CCNYL1: variants seen among roughly 807,000 people sequenced by gnomAD.
The protein encoded by CCNYL1 is cyclin Y like 1, also known as cyclin-Y-like protein 1.
In CCNYL1, 16 loss-of-function variants were observed where a neutral mutation model predicts 44.2. The ratio of observed to expected loss-of-function variants is 0.36; its 90% CI spans 0.25 to 0.55. CCNYL1 has a LOEUF of 0.55. Ranked by LOEUF, CCNYL1 falls within the 20% of genes least tolerant of loss-of-function variation. The pLI is 0.85. For synonymous variants in CCNYL1, 159 were observed against 163.2 expected, an observed-to-expected ratio of 0.97 and a Z score of 0.20; for missense variants, 348 against 451.8, an observed-to-expected ratio of 0.77 and a Z score of 2.08.
chr2:207,746,379 A>G (rs953068379), intron 7 of CCNYL1, among the ~76,000 whole-genome samples: 1 of 152,226 alleles, frequency 6.6e-6, no homozygotes, highest in African/African-American at 2.4e-5. Context: ...TAAAATTACT[A>G]TCTACCATGC....
chr2:207,753,549 T>C (rs1255820673), intron 9 of CCNYL1, 39 bp from the exon 10 acceptor site: 1 of 1,415,066 alleles, frequency 7.1e-7, no homozygotes, highest in South Asian at 1.2e-5. Flanking sequence ...GAACCCTTTT[T>C]AAAATTGTAC....
chr2:207,712,025 A>G lies in CCNYL1; in HGVS notation c.129A>G (p.Val43=). 13 of 1,498,896 alleles carry G rather than the reference A, an allele frequency of 8.7e-6. No homozygotes were observed. Among genetic ancestry groups the G allele is most frequent in the Non-Finnish European group, 1.2e-5 (13 of 1,123,764 alleles). The allele number at this position is 1,498,896 out of a possible 1,614,324, so 92.8% of individuals were successfully genotyped here. A position where few individuals can be genotyped will look rare whatever the true frequency, so the allele number is the denominator to read the frequency against. ...CGGTGTCCGGGGACGCGGTGGCGGT[A>G]GCGCCCGCTGTGGTGGAGCCTGCCG... The part of the protein sequence containing the change: ...YEAVSGDAVA[V]APAVVEPAEL... The change falls in exon 1 of 10, where the codon GTA becomes GTG. Residue 43 remains valine (V), a synonymous_variant. Transcript: ENST00000295414.
intron 9 of CCNYL1, 139 bp downstream of exon 9, chr2:207,751,258 G>C (rs920776685): frequency 5.9e-6 from 4 of 680,466 alleles, no homozygotes; most frequent in Non-Finnish European, 4.8e-6. Flanking sequence ...TAGCCCTTTG[G>C]CGTCAGATTT....
In CCNYL1 at chr2:207,753,708, TGAG is replaced by T. The variant is rs745769862; in HGVS notation, c.*12_*14del. ...AGCCATCCTCTCTTAAAAGGAGAAA[TGAG>T]GGGTTATAACGTCATGGGACCTTCA... is the stretch of plus-strand genomic sequence containing the variant. On this transcript the variant is annotated 3_prime_UTR_variant, in exon 10 of 10. Coordinates refer to ENST00000295414, the MANE Select transcript of CCNYL1 (RefSeq NM_001330218.2). The T allele has an allele frequency of 1.0e-5, 16 of 1,553,236 alleles. No homozygotes were observed. In the East Asian group the frequency reaches 3.1e-4, roughly 31 times the overall value.
chr2:207,718,281 G>A (rs1575208509), intron 1 of CCNYL1, among the ~76,000 whole-genome samples: 2 of 152,174 alleles, frequency 1.3e-5, no homozygotes, highest in African/African-American at 4.8e-5. Flanking sequence ...AGCAGAGGCA[G>A]GAGGATTGCT....
intron 2 of CCNYL1, among the ~76,000 whole-genome samples, chr2:207,726,188 A>G (rs1371672658): frequency 1.3e-5 from 2 of 152,240 alleles, no homozygotes; most frequent in African/African-American, 4.8e-5. Flanking sequence ...ATAGGAAACA[A>G]AGCGTGGTCC....
chr2:207,723,734 G>T lies in CCNYL1; in HGVS notation c.221-1066G>T, dbSNP rs540977450. 5.1e-4 allele frequency among the ~76,000 whole-genome samples: 77 copies of T among 152,068 alleles called. 1 individual carries two copies. The highest frequency in any genetic ancestry group is 4.5e-3 in the Admixed American group (68 of 15,256). On this transcript the variant is annotated intron_variant, in intron 1 of 9. Coordinates refer to ENST00000295414, the MANE Select transcript of CCNYL1 (RefSeq NM_001330218.2). ...CTACTAAAAATACAAAAATTAGCCG[G>T]CGTGGTGGCAGGCACCTGTAATCCC...
chr2:207,731,957 C>T (rs993707285), intron 3 of CCNYL1, among the ~76,000 whole-genome samples: 1 of 151,988 alleles, frequency 6.6e-6, no homozygotes, highest in Non-Finnish European at 1.5e-5. Context: ...TTATGGGAGC[C>T]CACCACCACG....
chr2:207,737,127 G>A lies in CCNYL1; in HGVS notation c.432-284G>A, dbSNP rs568898044. Among the ~76,000 whole-genome samples the A allele has an allele frequency of 3.0e-3, 453 of 152,246 alleles. 1 individual carries two copies. The highest frequency in any genetic ancestry group is 0.011 in the African/African-American group (443 of 41,544). Reference sequence around the variant, plus strand: ...AGACGGGGTTTCACCGTGTTAGCCAGGATGGTCTCGATCTCCTGACCTCGT... The same window carrying A: ...AGACGGGGTTTCACCGTGTTAGCCAAGATGGTCTCGATCTCCTGACCTCGT... On this transcript the variant is annotated intron_variant, in intron 4 of 9. Coordinates refer to ENST00000295414, the MANE Select transcript of CCNYL1 (RefSeq NM_001330218.2).
chr2:207,727,722 A>G (rs2091691390), intron 3 of CCNYL1, among the ~76,000 whole-genome samples: 1 of 152,098 alleles, frequency 6.6e-6, no homozygotes, highest in Non-Finnish European at 1.5e-5. Context: ...TCAAATATAG[A>G]CGGGTTTTTC....
At chr2:207,740,895 G>A (rs528779706) in intron 6 of CCNYL1, among the ~76,000 whole-genome samples, 189 bp downstream of exon 6, 2 of 152,246 alleles carry the variant, frequency 1.3e-5, no homozygotes, top group Non-Finnish European at 2.9e-5. Context: ...TATGATAGCC[G>A]CTCGTGGCTA....
At chr2:207,712,719 C>T (rs2091561021) in intron 1 of CCNYL1, among the ~76,000 whole-genome samples, 1 of 152,162 alleles carries the variant, frequency 6.6e-6, no homozygotes, top group African/African-American at 2.4e-5. Flanking sequence ...CTGCTTTATT[C>T]CTTCCAACTA....
At chr2:207,735,160 A>G (rs948265988) in intron 4 of CCNYL1, among the ~76,000 whole-genome samples, 3 of 152,154 alleles carry the variant, frequency 2.0e-5, no homozygotes, top group African/African-American at 7.2e-5. Flanking sequence ...TTAGATGTCT[A>G]CTTTTGGAAG....
intron 3 of CCNYL1, among the ~76,000 whole-genome samples, chr2:207,729,078 T>A (rs1321533935): frequency 6.6e-6 from 1 of 152,198 alleles, no homozygotes; most frequent in Non-Finnish European, 1.5e-5. Flanking sequence ...ATTACAGGCA[T>A]GAGCCACCGC....
At chr2:207,729,900 G>C (rs2091713569) in intron 3 of CCNYL1, among the ~76,000 whole-genome samples, 1 of 151,292 alleles carries the variant, frequency 6.6e-6, no homozygotes, top group Admixed American at 6.6e-5. Flanking sequence ...TTTTTTAGTA[G>C]AGACAGGGTT....
intron 5 of CCNYL1, 96 bp downstream of exon 5, chr2:207,737,542 T>C: frequency 1.0e-6 from 1 of 972,382 alleles, no homozygotes; most frequent in South Asian, 1.5e-5. Context: ...TCATAAGCTA[T>C]AGATTGCTAT....
At chr2:207,747,618 G>C (rs1457073744) in intron 8 of CCNYL1, among the ~76,000 whole-genome samples, 2 of 152,094 alleles carry the variant, frequency 1.3e-5, no homozygotes, top group Non-Finnish European at 2.9e-5. Context: ...ATGCAGTCTC[G>C]GCTCACTGCA....
intron 4 of CCNYL1, among the ~76,000 whole-genome samples, chr2:207,736,123 G>A (rs1002305508): frequency 8.5e-5 from 13 of 152,086 alleles, no homozygotes. Flanking sequence ...ACTGGGTGTT[G>A]GATTAAATGT....
At chr2:207,750,124 T>A (rs1295803192) in intron 8 of CCNYL1, among the ~76,000 whole-genome samples, 1 of 152,192 alleles carries the variant, frequency 6.6e-6, no homozygotes, top group African/African-American at 2.4e-5. Flanking sequence ...CGGTAGATAC[T>A]GAGCACCTCA....
Sources: gnomAD v4.1 joint callset for allele counts (sites outside exome capture counted in the v4.1 genomes callset) on GRCh38, gnomAD v4.1.1 for gene constraint, MANE v1.5 for transcripts, NCBI Gene and HGNC (gene_info 2026-07-23, HGNC 2026-07-21) for gene names.